Variants in GEMIN5 observed in about 807,000 individuals in gnomAD.
The protein encoded by GEMIN5 is gem nuclear organelle associated protein 5.
A neutral mutation model predicts 176.9 loss-of-function variants in GEMIN5; 124 were observed. The ratio of observed to expected loss-of-function variants is 0.70; its 90% CI spans 0.61 to 0.81. GEMIN5 has a LOEUF of 0.81. Among genes scored for constraint, GEMIN5 ranks in the 40% least tolerant of loss-of-function variants. The pLI is 0.00. For synonymous variants in GEMIN5, 673 were observed against 665.2 expected (o/e 1.01, Z -0.18); for missense variants, 1,843 against 1,814.6 (o/e 1.02, Z -0.28).
Position 154,907,825 on chromosome 5 carries a change from G to C in GEMIN5, c.2168-7C>G. On this transcript the variant is annotated splice_region_variant and splice_polypyrimidine_tract_variant and intron_variant, in intron 15 of 27. Coordinates refer to ENST00000285873, the MANE Select transcript of GEMIN5 (RefSeq NM_015465.5). ...AATTCAATACTTTTTTTGCCTACAA[G>C]AATCACAATAAAGGACTGACTAAAG... The C allele has an allele frequency of 1.2e-6, 2 of 1,600,530 alleles. No homozygotes were observed. The highest frequency in any genetic ancestry group is 1.7e-6 in the Non-Finnish European group (2 of 1,168,784).
At chr5:154,910,884 G>T (rs985140671) in intron 15 of GEMIN5, among the ~76,000 whole-genome samples, 6 of 152,060 alleles carry the variant, frequency 3.9e-5, no homozygotes, top group Non-Finnish European at 1.5e-5. Flanking sequence ...ATTTTTAGTA[G>T]AGACAGGGTT....
In GEMIN5 at chr5:154,889,279, C is replaced by T. The variant is rs764656724; in HGVS notation, c.4359+42G>A. 16 of 1,048,492 alleles carry T rather than the reference C, an allele frequency of 1.5e-5. No homozygotes were observed. In the Admixed American group the frequency reaches 2.7e-4, roughly 18 times the overall value. 64.9% of individuals were successfully genotyped at this position (1,048,492 alleles called of 1,614,324 possible). ...AATGTGGTATAGTCAAGTGATAACACAAAAAGTGATGCTTTACCAAATGAA... is the reference window on the plus strand; with the variant it reads ...AATGTGGTATAGTCAAGTGATAACATAAAAAGTGATGCTTTACCAAATGAA... On this transcript the variant is annotated intron_variant, in intron 27 of 27. Transcript: ENST00000285873.
intron 27 of GEMIN5, among the ~76,000 whole-genome samples, chr5:154,888,875 T>TTTTG (rs1763163470): frequency 4.6e-5 from 7 of 152,214 alleles, no homozygotes; most frequent in African/African-American, 1.7e-4. Flanking sequence ...GTTTTTTTTT[T>TTTTG]GAGACAGAGT....
Position 154,891,369 on chromosome 5 carries a change from T to C in GEMIN5, c.4134A>G (p.Gln1378=), listed in dbSNP as rs767686796. Residue 1378 remains glutamine (Q), a synonymous_variant, in exon 26 of 28, where the codon CAA becomes CAG. Transcript: ENST00000285873. The part of the protein sequence containing the change: ...QNSQRTVAEV[Q]ETLAEMIRQH... ...GTCGGATCATTTCTGCCAAGGTCTC[T>C]TGGACTTCAGCAACAGTTCTCTGTG... is the stretch of plus-strand genomic sequence containing the variant. 1.9e-6 allele frequency: 3 copies of C among 1,614,064 alleles called. No homozygotes were observed. Among genetic ancestry groups the C allele is most frequent in the African/African-American group, 1.3e-5 (1 of 74,910 alleles).
Position 154,888,430 on chromosome 5 carries a change from A to C in GEMIN5, c.4360-53T>G. ...AAGGAAGCATTTGCAGAAGAGCCAC[A>C]AACACCTGCACAGAAGGCACCAGTC... is the stretch of plus-strand genomic sequence containing the variant. On this transcript the variant is annotated intron_variant, in intron 27 of 27. Transcript: ENST00000285873. The C allele has an allele frequency of 4.0e-6, 6 of 1,497,384 alleles. No homozygotes were observed. The South Asian group carries it at 6.9e-5, about 17-fold the overall frequency. 92.8% of individuals were successfully genotyped at this position (1,497,384 alleles called of 1,614,324 possible).
At chr5:154,898,179 G>T (rs1474480340) in intron 23 of GEMIN5, among the ~76,000 whole-genome samples, 3 of 152,188 alleles carry the variant, frequency 2.0e-5, no homozygotes, top group Non-Finnish European at 4.4e-5. Context: ...GGGATTACAG[G>T]CATGAGCCAC....
At chr5:154,891,809 C>G in intron 25 of GEMIN5, 67 bp from the exon 26 acceptor site, 1 of 1,436,106 alleles carries the variant, frequency 7.0e-7, no homozygotes, top group Non-Finnish European at 9.4e-7. Flanking sequence ...GGCTTCCTGC[C>G]CTTATGTTCT....
intron 25 of GEMIN5, 119 bp downstream of exon 25, chr5:154,892,268 A>G (rs1219389242): frequency 1.2e-6 from 1 of 809,298 alleles, no homozygotes; most frequent in African/African-American, 1.7e-5. Flanking sequence ...TTTCTACTAA[A>G]ATGACACAGC....
intron 8 of GEMIN5, among the ~76,000 whole-genome samples, 192 bp downstream of exon 8, chr5:154,925,670 G>C (rs1274876993): frequency 6.6e-6 from 1 of 152,126 alleles, no homozygotes; most frequent in Admixed American, 6.5e-5. Flanking sequence ...GATGAACAGA[G>C]CCTTAATAAA....
intron 16 of GEMIN5, 115 bp from the exon 17 acceptor site, chr5:154,905,591 A>T (rs1460271354): frequency 8.7e-6 from 4 of 462,172 alleles, no homozygotes; most frequent in Non-Finnish European, 1.2e-5. Flanking sequence ...CAATTCATCT[A>T]TTACCAAAAC....
At position 154,917,148 on chromosome 5, in the gene GEMIN5, T is replaced by G; in HGVS notation, c.1705A>C (p.Lys569Gln). The G allele has an allele frequency of 6.6e-7, 1 of 1,517,510 alleles. No homozygotes were observed. The highest frequency in any genetic ancestry group is 8.9e-7 in the Non-Finnish European group (1 of 1,118,902). 94.0% of individuals were successfully genotyped at this position (1,517,510 alleles called of 1,614,324 possible). The change falls in exon 13 of 28, where the codon AAA becomes CAA. Residue 569 changes from lysine (K) to glutamine (Q), a missense_variant. By Grantham distance (53) the Lys-to-Gln change is moderately conservative. Transcript: ENST00000285873. ...TGCTGTTGGATAGTACAGATCAGTT[T>G]CAGGTTGGGAATCTGAAATATTTCT... ...SIEIFQIPNL[K>Q]LICTIQQHHK...
At chr5:154,925,142 T>C (rs1413461520) in intron 8 of GEMIN5, among the ~76,000 whole-genome samples, 2 of 152,130 alleles carry the variant, frequency 1.3e-5, no homozygotes, top group African/African-American at 2.4e-5. Context: ...TGAGTTCAAA[T>C]ACGTAAATGA....
At position 154,935,829 on chromosome 5, in the gene GEMIN5, C is replaced by T; in HGVS notation, c.509+12G>A. ...AAACAAAAATCATCAATACAGATGG[C>T]ATAGTACTTACCCAATGGCTACTAA... On this transcript the variant is annotated intron_variant, in intron 3 of 27. Coordinates refer to ENST00000285873, the MANE Select transcript of GEMIN5 (RefSeq NM_015465.5). 6.3e-7 allele frequency: 1 copy of T among 1,584,106 alleles called. No individual in the cohort carries two copies. The highest frequency in any genetic ancestry group is 8.7e-7 in the Non-Finnish European group (1 of 1,153,782).
Position 154,902,578 on chromosome 5 carries a change from C to T in GEMIN5, c.2827G>A (p.Gly943Arg). 1 of 1,614,136 alleles carries T rather than the reference C, an allele frequency of 6.2e-7. No homozygotes were observed. Among genetic ancestry groups the T allele is most frequent in the Non-Finnish European group, 8.5e-7 (1 of 1,179,956 alleles). ...GCCACAAGGTTGTCTGTCAGCTCCC[C>T]TCTTTCTGCTGCAGTCTGGAGAACA... ...KGVLQTAAER[G>R]ELTDNLVAMA... Residue 943 changes from glycine to arginine, a missense_variant, in exon 20 of 28, where the codon GGG becomes AGG. By Grantham distance (125) the Gly-to-Arg change is moderately radical. Transcript: ENST00000285873.
chr5:154,928,934 T>A (rs1468766140), intron 5 of GEMIN5, among the ~76,000 whole-genome samples: 2 of 152,052 alleles, frequency 1.3e-5, no homozygotes, highest in African/African-American at 2.4e-5. Context: ...AGAGTATTTT[T>A]TTTTTTTGGC....
rs769300468 is a variant in GEMIN5 at position 154,928,696 on chromosome 5, C to T, written c.782-37G>A. The T allele has an allele frequency of 3.1e-6, 5 of 1,605,600 alleles. No homozygotes were observed. In the Admixed American group the frequency reaches 8.4e-5, roughly 27 times the overall value. On this transcript the variant is annotated intron_variant, in intron 5 of 27. Transcript: ENST00000285873. Reference sequence around the variant, plus strand: ...AAAGAAGGCCAGTGGGCACTCAAGACAGTGAAACTACATGCATGAAGTCAC... The same window carrying T: ...AAAGAAGGCCAGTGGGCACTCAAGATAGTGAAACTACATGCATGAAGTCAC...
rs773895721 is a variant in GEMIN5 at position 154,904,546 on chromosome 5, G to A, written c.2593C>T (p.Gln865Ter). 1 of 1,613,000 alleles carries A rather than the reference G, an allele frequency of 6.2e-7. No homozygotes were observed. Among genetic ancestry groups the A allele is most frequent in the African/African-American group, 1.3e-5 (1 of 74,906 alleles). The change falls in exon 18 of 28, where the codon CAG (glutamine) becomes TAG (stop). Residue 865 changes from glutamine to a stop codon, truncating the protein, a stop_gained. Coordinates refer to ENST00000285873, the MANE Select transcript of GEMIN5 (RefSeq NM_015465.5). LOFTEE classifies it high-confidence loss of function. ...LDHRSKEELHQDCLVLATAKH... is the reference protein window; with the variant it reads ...LDHRSKEELH ...GCAGTTGCTAGTACCAAACAGTCCT[G>A]ATGAAGCTCCTCTTTGGATCTGTGG...
intron 27 of GEMIN5, 94 bp from the exon 28 acceptor site, chr5:154,888,471 T>A: frequency 2.0e-6 from 2 of 1,020,856 alleles, no homozygotes; most frequent in Non-Finnish European, 2.9e-6. Context: ...GGTTCATCTA[T>A]AGACACTTCT....
Position 154,897,440 on chromosome 5 carries a change from C to G in GEMIN5, c.3345+1000G>C, listed in dbSNP as rs73809503. 9.7e-3 allele frequency among the ~76,000 whole-genome samples: 1,478 copies of G among 152,298 alleles called. 23 individuals carry two copies. The highest frequency in any genetic ancestry group is 0.033 in the African/African-American group (1,367 of 41,558). ...CAGTGGTATGTTACTGATTTTTAATCAGATGGGAACAAAAAAATTTAAGAA... is the reference window on the plus strand; with the variant it reads ...CAGTGGTATGTTACTGATTTTTAATGAGATGGGAACAAAAAAATTTAAGAA... On this transcript the variant is annotated intron_variant, in intron 23 of 27. Coordinates refer to ENST00000285873, the MANE Select transcript of GEMIN5 (RefSeq NM_015465.5).
Sources: gnomAD v4.1 joint callset for allele counts (sites outside exome capture counted in the v4.1 genomes callset) on GRCh38, gnomAD v4.1.1 for gene constraint, MANE v1.5 for transcripts, NCBI Gene and HGNC (gene_info 2026-07-23, HGNC 2026-07-21) for gene names.